The following HS6ST2 variants were observed in gnomAD, a reference collection of about 807,000 sequenced individuals.
HS6ST2 encodes the protein heparan-sulfate 6-O-sulfotransferase 2.
In HS6ST2, 17 loss-of-function variants were observed where a neutral mutation model predicts 33.0. The ratio of observed to expected loss-of-function variants is 0.52; its 90% CI spans 0.35 to 0.77. The LOEUF (loss-of-function observed/expected upper bound fraction) is 0.77, where lower values mean the gene tolerates loss of function less well. Among genes scored for constraint, HS6ST2 ranks in the 30% least tolerant of loss-of-function variants. HS6ST2 has a pLI of 0.01. For synonymous variants in HS6ST2, 248 were observed against 237.1 expected (o/e 1.05, Z -0.42); for missense variants, 519 against 551.7 (o/e 0.94, Z 0.59).
At position 132,658,466 on chromosome X, in the gene HS6ST2, T is replaced by G. The variant is rs1387728610; in HGVS notation, c.1067+10647A>C. Among the ~76,000 whole-genome samples, 21 of 108,893 alleles carry G rather than the reference T, an allele frequency of 1.9e-4. No homozygotes were observed. The Admixed American group carries it at 2.0e-3, about 11-fold the overall frequency. The allele number at this position is 108,893 out of a possible 115,157, so 94.6% of individuals were successfully genotyped here. A position where few individuals can be genotyped will look rare whatever the true frequency, so the allele number is the denominator to read the frequency against. ...TCTACCTGCCTGTAAAGTTGTAAAA[T>G]ATGGTTTTTTTCTTTTTCTTTTTTT... On this transcript the variant is annotated intron_variant, in intron 4 of 4. Coordinates refer to ENST00000370833, the MANE Select transcript of HS6ST2 (RefSeq NM_001394073.1).
intron 2 of HS6ST2, among the ~76,000 whole-genome samples, chrX:132,944,631 G>T (rs1383595478): frequency 9.0e-6 from 1 of 111,562 alleles, no homozygotes; most frequent in Non-Finnish European, 1.9e-5. Flanking sequence ...AACCAAAACA[G>T]CATGGTACTG....
intron 2 of HS6ST2, among the ~76,000 whole-genome samples, chrX:132,881,933 G>C (rs1055571182): frequency 2.7e-5 from 3 of 111,417 alleles, no homozygotes; most frequent in Non-Finnish European, 5.6e-5. Flanking sequence ...TCAGATGGTT[G>C]TAGATGTGTG....
intron 2 of HS6ST2, among the ~76,000 whole-genome samples, chrX:132,834,426 C>A (rs1022466507): frequency 9.0e-6 from 1 of 111,448 alleles, no homozygotes; most frequent in African/African-American, 3.3e-5. Flanking sequence ...TGTTATTCCG[C>A]GGCTTAAAGA....
chrX:132,762,305 G>T (rs1264740965), intron 2 of HS6ST2, among the ~76,000 whole-genome samples: 1 of 111,113 alleles, frequency 9.0e-6, no homozygotes, highest in African/African-American at 3.3e-5. Context: ...GCAATCCCAG[G>T]GCCAGGTTCA....
Position 132,922,823 on chromosome X carries a change from G to C in HS6ST2, c.947+33985C>G, listed in dbSNP as rs1041966469. The stretch of plus-strand genomic sequence containing the variant: ...CACGCCTGTAATCCCAACACTTTGG[G>C]AGGCCTTGGCGGGTGGATCACTTGA... On this transcript the variant is annotated intron_variant, in intron 2 of 4. Coordinates refer to ENST00000370833, the MANE Select transcript of HS6ST2 (RefSeq NM_001394073.1). Among the ~76,000 whole-genome samples, 2 of 111,738 alleles carry C rather than the reference G, an allele frequency of 1.8e-5. 1 individual carries two copies. Among genetic ancestry groups the C allele is most frequent in the Non-Finnish European group, 3.8e-5 (2 of 53,114 alleles).
At chrX:132,885,161 A>C (rs1409306979) in intron 2 of HS6ST2, among the ~76,000 whole-genome samples, 3 of 111,773 alleles carry the variant, frequency 2.7e-5, no homozygotes, top group Non-Finnish European at 3.8e-5. Flanking sequence ...CTTATAATGG[A>C]CTATTATTCA....
At position 132,627,828 on chromosome X, in the gene HS6ST2, A is replaced by G. The variant is rs966790085; in HGVS notation, c.*395T>C. On this transcript the variant is annotated 3_prime_UTR_variant, in exon 5 of 5. Coordinates refer to ENST00000370833, the MANE Select transcript of HS6ST2 (RefSeq NM_001394073.1). ...CCCCTGGAAAAAATATTTGATTCCA[A>G]GATTGGGTTTTAACAGTGTATCATG... 8.5e-6 allele frequency: 1 copy of G among 117,421 alleles called. No individual in the cohort carries two copies. The highest frequency in any genetic ancestry group is 3.2e-5 in the African/African-American group (1 of 31,124). The allele number at this position is 117,421 out of a possible 1,213,427, so 9.7% of individuals were successfully genotyped here. A position where few individuals can be genotyped will look rare whatever the true frequency, so the allele number is the denominator to read the frequency against.
intron 2 of HS6ST2, among the ~76,000 whole-genome samples, chrX:132,716,441 C>T (rs145748472): frequency 0.019 from 2,123 of 111,781 alleles, 42 homozygotes; most frequent in East Asian, 0.14. Flanking sequence ...TAAAATAAAA[C>T]CTGGCTTGTT....
At chrX:132,639,580 C>A (rs2063586368) in intron 4 of HS6ST2, among the ~76,000 whole-genome samples, 1 of 111,533 alleles carries the variant, frequency 9.0e-6, no homozygotes, top group Admixed American at 9.6e-5. Flanking sequence ...AAGCTTCCTG[C>A]CTGACTTTCC....
rs1362263405 is a variant in HS6ST2 at position 132,808,372 on chromosome X, G to A, written c.948-99878C>T. On this transcript the variant is annotated intron_variant, in intron 2 of 4. Coordinates refer to ENST00000370833, the MANE Select transcript of HS6ST2 (RefSeq NM_001394073.1). ...GATTCCTGTAACCGAAGGCCACAGG[G>A]CAAAGGAGATTATTTGACATGGAAA... Among the ~76,000 whole-genome samples the A allele has an allele frequency of 2.7e-5, 3 of 111,759 alleles. No homozygotes were observed. In the Admixed American group the frequency reaches 2.9e-4, roughly 11 times the overall value.
intron 2 of HS6ST2, among the ~76,000 whole-genome samples, chrX:132,881,055 T>C (rs2066166301): frequency 9.0e-6 from 1 of 110,805 alleles, no homozygotes; most frequent in South Asian, 3.9e-4. Context: ...GTTCCAAGTC[T>C]TTGCTATTGT....
At chrX:132,761,798 T>C (rs1331067315) in intron 2 of HS6ST2, among the ~76,000 whole-genome samples, 1 of 111,791 alleles carries the variant, frequency 8.9e-6, no homozygotes, top group Non-Finnish European at 1.9e-5. Flanking sequence ...GAGAAATGTG[T>C]GCACTGGCCT....
At chrX:132,843,374 T>C (rs1379025217) in intron 2 of HS6ST2, among the ~76,000 whole-genome samples, 2 of 112,193 alleles carry the variant, frequency 1.8e-5, no homozygotes, top group African/African-American at 6.5e-5. Context: ...ATGTCCTTAA[T>C]ATTTTGCAAA....
chrX:132,684,597 A>G (rs1351358658), intron 3 of HS6ST2, among the ~76,000 whole-genome samples: 1 of 110,563 alleles, frequency 9.0e-6, no homozygotes, highest in Non-Finnish European at 1.9e-5. Context: ...CTCATGGGAC[A>G]ATAGGAAGGA....
chrX:132,894,709 G>A (rs770568288), intron 2 of HS6ST2, among the ~76,000 whole-genome samples: 1 of 109,606 alleles, frequency 9.1e-6, no homozygotes, highest in Non-Finnish European at 1.9e-5. Context: ...ACTAATTTTT[G>A]TATTTTTGTA....
intron 3 of HS6ST2, among the ~76,000 whole-genome samples, chrX:132,675,537 T>C (rs1271842694): frequency 9.0e-6 from 1 of 111,727 alleles, no homozygotes; most frequent in Non-Finnish European, 1.9e-5. Flanking sequence ...CCCATGCCCA[T>C]AGTCTGCTTC....
intron 4 of HS6ST2, among the ~76,000 whole-genome samples, chrX:132,662,685 C>T (rs1201945237): frequency 8.9e-6 from 1 of 112,182 alleles, no homozygotes; most frequent in Non-Finnish European, 1.9e-5. Context: ...TATTATGTCA[C>T]GAAGTGTACT....
At chrX:132,786,767 G>C (rs757916328) in intron 2 of HS6ST2, among the ~76,000 whole-genome samples, 1 of 108,197 alleles carries the variant, frequency 9.2e-6, no homozygotes, top group African/African-American at 3.4e-5. Flanking sequence ...GATTACAGGC[G>C]CCTGCCACCA....
chrX:132,831,434 A>C (rs2065589232), intron 2 of HS6ST2, among the ~76,000 whole-genome samples: 2 of 111,389 alleles, frequency 1.8e-5, no homozygotes, highest in South Asian at 7.6e-4. Context: ...GAGGATATTC[A>C]AGTGGGAGGC....
Sources: allele counts gnomAD v4.1 joint callset (sites outside exome capture counted in the v4.1 genomes callset), GRCh38; gene constraint gnomAD v4.1.1; transcripts MANE v1.5; gene names NCBI Gene and HGNC (gene_info 2026-07-23, HGNC 2026-07-21).